GP2: variants seen among roughly 807,000 people sequenced by gnomAD.
GP2 encodes the protein glycoprotein 2.
Under a neutral mutation model 60.8 loss-of-function variants are expected in GP2, and 58 were observed. That is an observed-to-expected ratio of 0.95 (90% CI 0.77 to 1.19). GP2 has a LOEUF of 1.19. Ranked by LOEUF, GP2 falls within the 50% of genes most tolerant of loss-of-function variation. GP2 has a pLI of 0.00. For missense variants in GP2, 647 were observed against 667.4 expected (o/e 0.97, Z 0.34); for synonymous variants, 280 against 253.4 (o/e 1.10, Z -1.00).
intron 9 of GP2, among the ~76,000 whole-genome samples, 161 bp from the exon 10 acceptor site, chr16:20,314,862 T>G (rs1444197461): frequency 6.6e-6 from 1 of 152,144 alleles, no homozygotes; most frequent in South Asian, 2.1e-4. Context: ...ACAGGCACCT[T>G]TCTAGACACT....
chr16:20,316,548 G>T (rs1313677202), intron 8 of GP2, among the ~76,000 whole-genome samples: 1 of 152,068 alleles, frequency 6.6e-6, no homozygotes, highest in Non-Finnish European at 1.5e-5. Flanking sequence ...CTACTTACAG[G>T]GTTGTTCTGA....
intron 4 of GP2, among the ~76,000 whole-genome samples, chr16:20,320,808 A>G (rs116563128): frequency 1.4e-3 from 213 of 152,340 alleles, no homozygotes; most frequent in African/African-American, 5.1e-3. Flanking sequence ...CATCTGACCA[A>G]GTTCAGAGCT....
intron 9 of GP2, among the ~76,000 whole-genome samples, chr16:20,315,290 T>C (rs1283939789): frequency 6.6e-6 from 1 of 152,172 alleles, no homozygotes; most frequent in Non-Finnish European, 1.5e-5. Flanking sequence ...ATTACCAACA[T>C]TACTGCATCT....
intron 4 of GP2, among the ~76,000 whole-genome samples, chr16:20,321,627 A>G (rs1337288402): frequency 6.6e-6 from 1 of 152,178 alleles, no homozygotes; most frequent in East Asian, 1.9e-4. Flanking sequence ...AAGCAAGTGA[A>G]CGCATCCCAG....
At chr16:20,326,124 C>G (rs1276452730) in intron 2 of GP2, 1 of 571,738 alleles carries the variant, frequency 1.7e-6, no homozygotes, top group Non-Finnish European at 3.1e-6. Context: ...CTGGCTCCCA[C>G]TGCCCTTTCA....
Position 20,320,257 on chromosome 16 carries a change from C to G in GP2, c.858+5G>C, listed in dbSNP as rs1303863432. 9.3e-6 allele frequency: 15 copies of G among 1,606,030 alleles called. No homozygotes were observed. The highest frequency in any genetic ancestry group is 1.3e-5 in the African/African-American group (1 of 74,760). ...TCTGGCAGCAGTGGTGTGAAAGCCA[C>G]TTACCTCCAGAATGTTCCTGCAGGC... On this transcript the variant is annotated splice_donor_5th_base_variant and intron_variant, in intron 5 of 10. Transcript: ENST00000302555.
At chr16:20,317,006 A>ACCTTCCCATTCCCTTCCCTTCTGTCCAT (rs1964196184) in intron 8 of GP2, among the ~76,000 whole-genome samples, 1 of 101,140 alleles carries the variant, frequency 9.9e-6, no homozygotes, top group African/African-American at 4.0e-5. Flanking sequence ...CTTCCCCTTC[A>ACCTTCCCATTCCCTTCCCTTCTGTCCAT]CCTTCCCATT....
rs1278868408 is a variant in GP2 at position 20,314,206 on chromosome 16, G to A, written c.1546+451C>T. On this transcript the variant is annotated intron_variant, in intron 10 of 10. Transcript: ENST00000302555. Reference sequence around the variant, plus strand: ...ATATACCTATGTAACAAACCTGCACGTTCTGCTCATGTATCCCAGAACTTA... The same window carrying A: ...ATATACCTATGTAACAAACCTGCACATTCTGCTCATGTATCCCAGAACTTA... 3.4e-5 allele frequency among the ~76,000 whole-genome samples: 5 copies of A among 146,864 alleles called. No individual in the cohort carries two copies. In the South Asian group the frequency reaches 6.4e-4, roughly 19 times the overall value.
chr16:20,319,502 C>T (rs2141601580), intron 6 of GP2, 118 bp downstream of exon 6: 1 of 688,448 alleles, frequency 1.5e-6, no homozygotes, highest in East Asian at 2.5e-5. Flanking sequence ...GACTGAATGA[C>T]TGGAGGCTCC....
At chr16:20,316,808 C>T (rs563698129) in intron 8 of GP2, among the ~76,000 whole-genome samples, 149 of 150,476 alleles carry the variant, frequency 9.9e-4, no homozygotes, top group African/African-American at 1.9e-3. Context: ...TATCTCGTTC[C>T]GTCTCTTCAT....
intron 2 of GP2, among the ~76,000 whole-genome samples, chr16:20,325,717 G>T (rs1397262593): frequency 6.6e-6 from 1 of 152,190 alleles, no homozygotes; most frequent in African/African-American, 2.4e-5. Flanking sequence ...AAAAAAAAGA[G>T]ATTTTCAAGC....
At chr16:20,312,535 C>T (rs927282182) in intron 10 of GP2, among the ~76,000 whole-genome samples, 1 of 152,194 alleles carries the variant, frequency 6.6e-6, no homozygotes. Context: ...AAATCTACCA[C>T]CCATTCTAGA....
At chr16:20,324,737 A>C (rs1964483248) in intron 2 of GP2, among the ~76,000 whole-genome samples, 1 of 152,246 alleles carries the variant, frequency 6.6e-6, no homozygotes, top group Admixed American at 6.5e-5. Flanking sequence ...TTTCTTAAAA[A>C]TAAAAATAAG....
chr16:20,322,792 A>G, intron 4 of GP2, 77 bp downstream of exon 4: 1 of 789,194 alleles, frequency 1.3e-6, no homozygotes, highest in South Asian at 1.5e-5. Context: ...TTTATACCTT[A>G]TCTTGACCCT....
In GP2 at chr16:20,327,473, T is replaced by C. The variant is rs1222132448; in HGVS notation, c.-43A>G. 9.3e-6 allele frequency: 12 copies of C among 1,288,032 alleles called. No individual in the cohort carries two copies. Among genetic ancestry groups the C allele is most frequent in the Non-Finnish European group, 1.2e-5 (12 of 987,740 alleles). 79.8% of individuals were successfully genotyped at this position (1,288,032 alleles called of 1,614,324 possible). A position where few individuals can be genotyped will look rare whatever the true frequency, so the allele number is the denominator to read the frequency against. On this transcript the variant is annotated 5_prime_UTR_variant, in exon 1 of 11. Coordinates refer to ENST00000302555, the MANE Select transcript of GP2 (RefSeq NM_001502.4). ...GGCTTAAAGCAGGACTTACCTCCGA[T>C]GAGAACACAAAGCGTTCCTCCTCTG... is the stretch of plus-strand genomic sequence containing the variant.
In GP2 at chr16:20,319,607, G is replaced by A. The variant is rs750995488; in HGVS notation, c.1007+13C>T. On this transcript the variant is annotated intron_variant, in intron 6 of 10. Transcript: ENST00000302555. ...CAGGGTTATGGGTCAAAGGGCAAGG[G>A]TCAATGCCATACCTTACAATGGGCT... 3 of 1,600,382 alleles carry A rather than the reference G, an allele frequency of 1.9e-6. No individual in the cohort carries two copies. Among genetic ancestry groups the A allele is most frequent in the Non-Finnish European group, 2.6e-6 (3 of 1,167,488 alleles).
chr16:20,316,731 C>G (rs1429201322), intron 8 of GP2, among the ~76,000 whole-genome samples: 1 of 151,822 alleles, frequency 6.6e-6, no homozygotes, highest in African/African-American at 2.4e-5. Flanking sequence ...AGATATGGGC[C>G]TTTAGGAGAT....
intron 3 of GP2, chr16:20,323,392 G>A: frequency 1.4e-6 from 1 of 718,432 alleles, no homozygotes; most frequent in Non-Finnish European, 2.6e-6. Flanking sequence ...TCGTGGAACT[G>A]GGGAGAGGAT....
At position 20,317,284 on chromosome 16, in the gene GP2, C is replaced by T. The variant is rs772871979; in HGVS notation, c.1345G>A (p.Gly449Arg). ...RFSVQMFMFA[G>R]HYDLVFLHCE... The stretch of plus-strand genomic sequence containing the variant: ...TGCAGGAAAACTAGGTCATAATGTC[C>T]AGCAAACATGAACATCTGAACTGAG... The change falls in exon 8 of 11, where the codon GGA becomes AGA. Residue 449 changes from glycine to arginine, a missense_variant. Transcript: ENST00000302555. The T allele has an allele frequency of 6.2e-7, 1 of 1,613,080 alleles. No individual in the cohort carries two copies. Among genetic ancestry groups the T allele is most frequent in the Non-Finnish European group, 8.5e-7 (1 of 1,179,088 alleles).
Sources: allele counts gnomAD v4.1 joint callset (sites outside exome capture counted in the v4.1 genomes callset), GRCh38; gene constraint gnomAD v4.1.1; transcripts MANE v1.5; gene names NCBI Gene and HGNC (gene_info 2026-07-23, HGNC 2026-07-21).